Variants in ZMAT4 observed in about 807,000 individuals in gnomAD.
The protein encoded by ZMAT4 is zinc finger matrin-type protein 4.
Under a neutral mutation model 28.7 loss-of-function variants are expected in ZMAT4, and 17 were observed. The ratio of observed to expected loss-of-function variants is 0.59; its 90% CI spans 0.41 to 0.89. The LOEUF is 0.89. ZMAT4 is among the 40% of genes least tolerant of loss of function. The probability of loss-of-function intolerance (pLI) is 0.00; values close to 1 mark genes in which losing one functional copy is unlikely to be tolerated. For missense variants in ZMAT4, 240 were observed against 283.8 expected (o/e 0.85, Z 1.11); for synonymous variants, 117 against 109.2 (o/e 1.07, Z -0.44).
At chr8:40,722,127 G>A (rs1811128608) in intron 3 of ZMAT4, among the ~76,000 whole-genome samples, 1 of 151,950 alleles carries the variant, frequency 6.6e-6, no homozygotes. Context: ...AGGACTTCAT[G>A]TCTAAAACAC....
At chr8:40,625,560 G>A (rs1192077542) in intron 5 of ZMAT4, among the ~76,000 whole-genome samples, 2 of 152,000 alleles carry the variant, frequency 1.3e-5, no homozygotes, top group African/African-American at 2.4e-5. Flanking sequence ...GACATTAGAG[G>A]GAAAGAAAGG....
At chr8:40,808,610 A>G in intron 2 of ZMAT4, 1 of 455,316 alleles carries the variant, frequency 2.2e-6, no homozygotes, top group Non-Finnish European at 4.4e-6. Context: ...CACTCAATAA[A>G]TGGAGGTAGG....
At chr8:40,642,991 A>G (rs1168832744) in intron 5 of ZMAT4, among the ~76,000 whole-genome samples, 2 of 152,342 alleles carry the variant, frequency 1.3e-5, no homozygotes, top group African/African-American at 4.8e-5. Flanking sequence ...ATTCTTCATG[A>G]GTGTATAACT....
At chr8:40,546,807 T>C (rs1048920104) in intron 6 of ZMAT4, among the ~76,000 whole-genome samples, 2 of 152,208 alleles carry the variant, frequency 1.3e-5, no homozygotes, top group South Asian at 2.1e-4. Flanking sequence ...TGTAGAAATG[T>C]AGTTTATGTG....
At chr8:40,729,913 AT>A (rs1367175691) in intron 3 of ZMAT4, among the ~76,000 whole-genome samples, 4 of 152,176 alleles carry the variant, frequency 2.6e-5, no homozygotes, top group Non-Finnish European at 4.4e-5. Context: ...AAGCCTCAGT[AT>A]TTAAAAAAAC....
intron 6 of ZMAT4, among the ~76,000 whole-genome samples, chr8:40,554,268 T>C (rs2599675): frequency 0.67 from 102,402 of 151,964 alleles, 38,672 homozygotes; most frequent in East Asian, 0.87. Context: ...ACCTTCAAGA[T>C]TACCACCAAC....
intron 6 of ZMAT4, among the ~76,000 whole-genome samples, chr8:40,568,031 G>A (rs940843479): frequency 1.3e-5 from 2 of 152,000 alleles, no homozygotes; most frequent in East Asian, 1.9e-4. Flanking sequence ...AAATCAAAAT[G>A]GTAAAGAAAT....
At chr8:40,789,756 T>C (rs1367518700) in intron 2 of ZMAT4, among the ~76,000 whole-genome samples, 1 of 152,102 alleles carries the variant, frequency 6.6e-6, no homozygotes, top group Non-Finnish European at 1.5e-5. Flanking sequence ...ACTGTAGCAA[T>C]CAGCCTGGGA....
chr8:40,630,161 A>G (rs571066678), intron 5 of ZMAT4, among the ~76,000 whole-genome samples: 3 of 152,280 alleles, frequency 2.0e-5, no homozygotes, highest in South Asian at 2.1e-4. Flanking sequence ...TCTTGTTTGG[A>G]CCAAATTCCA....
At chr8:40,638,638 G>GT (rs1273282293) in intron 5 of ZMAT4, among the ~76,000 whole-genome samples, 4 of 152,222 alleles carry the variant, frequency 2.6e-5, no homozygotes, top group African/African-American at 9.6e-5. Flanking sequence ...GAGGAAACAA[G>GT]TGCATTCATG....
chr8:40,787,294 T>C (rs1586050500), intron 2 of ZMAT4, among the ~76,000 whole-genome samples: 1 of 152,232 alleles, frequency 6.6e-6, no homozygotes, highest in East Asian at 1.9e-4. Context: ...TGCCTGAAAC[T>C]ACAGATAGTG....
intron 5 of ZMAT4, among the ~76,000 whole-genome samples, chr8:40,651,044 C>T (rs1473030915): frequency 1.9e-4 from 29 of 151,766 alleles, no homozygotes; most frequent in African/African-American, 7.0e-4. Flanking sequence ...TCTCACCACT[C>T]CTATTCAACA....
At chr8:40,887,140 C>T (rs1818483578) in intron 1 of ZMAT4, among the ~76,000 whole-genome samples, 1 of 138,860 alleles carries the variant, frequency 7.2e-6, no homozygotes, top group Non-Finnish European at 1.5e-5. Flanking sequence ...CACTGCACTC[C>T]AGCCTGGGTG....
intron 6 of ZMAT4, among the ~76,000 whole-genome samples, chr8:40,562,058 T>C (rs1368525591): frequency 6.6e-6 from 1 of 152,204 alleles, no homozygotes; most frequent in Non-Finnish European, 1.5e-5. Flanking sequence ...CACCTTTCTC[T>C]ACTTTGGACG....
chr8:40,558,872 C>T (rs1217834756), intron 6 of ZMAT4, among the ~76,000 whole-genome samples: 1 of 152,070 alleles, frequency 6.6e-6, no homozygotes, highest in Admixed American at 6.5e-5. Context: ...CGACAGCCAA[C>T]CAACATAAGA....
intron 3 of ZMAT4, among the ~76,000 whole-genome samples, chr8:40,709,665 G>A (rs1264363011): frequency 6.6e-6 from 1 of 152,212 alleles, no homozygotes; most frequent in African/African-American, 2.4e-5. Context: ...TTGTTCTCAT[G>A]AGCTGTCTCT....
At chr8:40,604,667 T>C (rs959164757) in intron 5 of ZMAT4, among the ~76,000 whole-genome samples, 4 of 152,188 alleles carry the variant, frequency 2.6e-5, no homozygotes, top group African/African-American at 9.7e-5. Context: ...ACAGAGATAT[T>C]AATCCGTAGT....
intron 5 of ZMAT4, among the ~76,000 whole-genome samples, chr8:40,596,156 G>A (rs956070081): frequency 6.6e-6 from 1 of 152,070 alleles, no homozygotes; most frequent in African/African-American, 2.4e-5. Context: ...CATTGTATGG[G>A]GCACCTACTG....
intron 2 of ZMAT4, among the ~76,000 whole-genome samples, chr8:40,792,503 G>GGAAA (rs1814379201): frequency 4.8e-5 from 1 of 20,808 alleles, no homozygotes; most frequent in Non-Finnish European, 9.6e-5. Context: ...AAGGAAGGAA[G>GGAAA]GAAGGAAGGA....
Sources: gnomAD v4.1 joint callset for allele counts (sites outside exome capture counted in the v4.1 genomes callset) on GRCh38, gnomAD v4.1.1 for gene constraint, MANE v1.5 for transcripts, NCBI Gene and HGNC (gene_info 2026-07-23, HGNC 2026-07-21) for gene names.